AGAP1: variants seen among roughly 807,000 people sequenced by gnomAD.
AGAP1 encodes the protein ArfGAP with GTPase domain, ankyrin repeat and PH domain 1.
Under a neutral mutation model 105.3 loss-of-function variants are expected in AGAP1, and 29 were observed. That is an observed-to-expected ratio of 0.28 (90% CI 0.21 to 0.38). AGAP1 has a LOEUF of 0.38. Ranked by LOEUF, AGAP1 falls within the 10% of genes least tolerant of loss-of-function variation. AGAP1 has a pLI of 1.00. For missense variants in AGAP1, 998 were observed against 1,165.1 expected (o/e 0.86, Z 2.09); for synonymous variants, 509 against 485.9 (o/e 1.05, Z -0.63).
At chr2:235,674,177 G>A (rs946781631) in intron 1 of AGAP1, among the ~76,000 whole-genome samples, 1 of 152,170 alleles carries the variant, frequency 6.6e-6, no homozygotes, top group Non-Finnish European at 1.5e-5. Context: ...CAGAACAGTT[G>A]CCTCGGTGAG....
In AGAP1 at chr2:235,744,930, G is replaced by A; in HGVS notation, c.538+91G>A. On this transcript the variant is annotated intron_variant, in intron 5 of 17. Coordinates refer to ENST00000304032, the MANE Select transcript of AGAP1 (RefSeq NM_001037131.3). This position sits in a 1 kb window ranked among gnomAD's most constrained non-coding sequence, Gnocchi z 5.2. ...GGAGTTTAAAAAATGCTTTAAAGAA[G>A]GAAAAATTGCCTACTGAACGCTCAC... 6.8e-7 allele frequency: 1 copy of A among 1,473,778 alleles called. No individual in the cohort carries two copies. Among genetic ancestry groups the A allele is most frequent in the Non-Finnish European group, 9.1e-7 (1 of 1,094,618 alleles). 91.3% of individuals were successfully genotyped at this position (1,473,778 alleles called of 1,614,324 possible).
At chr2:235,680,319 T>A (rs1247688215) in intron 1 of AGAP1, among the ~76,000 whole-genome samples, 1 of 152,150 alleles carries the variant, frequency 6.6e-6, no homozygotes, top group Non-Finnish European at 1.5e-5. Context: ...GGGAGAAGTG[T>A]TGGGCCTGAG....
chr2:235,817,471 T>A (rs1559523496), intron 9 of AGAP1, among the ~76,000 whole-genome samples: 1 of 152,110 alleles, frequency 6.6e-6, no homozygotes, highest in Non-Finnish European at 1.5e-5. Context: ...AGTAAAAGAA[T>A]TTACTTTTAA....
At position 235,883,568 on chromosome 2, in the gene AGAP1, G is replaced by C. The variant is rs1291118880; in HGVS notation, c.1155+119G>C. 1 of 761,488 alleles carries C rather than the reference G, an allele frequency of 1.3e-6. No individual in the cohort carries two copies. The highest frequency in any genetic ancestry group is 1.7e-5 in the African/African-American group (1 of 57,252). 47.2% of individuals were successfully genotyped at this position (761,488 alleles called of 1,614,324 possible). A position where few individuals can be genotyped will look rare whatever the true frequency, so the allele number is the denominator to read the frequency against. On this transcript the variant is annotated intron_variant, in intron 10 of 17. Coordinates refer to ENST00000304032, the MANE Select transcript of AGAP1 (RefSeq NM_001037131.3). This position sits in a 1 kb window ranked among gnomAD's most constrained non-coding sequence, Gnocchi z 4.5. ...CTGTTTGAAGTGAAAGTCGTATTTG[G>C]TCTCCTGCTCAACTGTGAGATAAAT... is the stretch of plus-strand genomic sequence containing the variant.
At chr2:235,521,501 C>T (rs1172943058) in intron 1 of AGAP1, among the ~76,000 whole-genome samples, 2 of 151,710 alleles carry the variant, frequency 1.3e-5, no homozygotes, top group African/African-American at 4.9e-5. Flanking sequence ...ATACTTGTCT[C>T]TTTTAAATAT....
At chr2:235,593,583 T>C (rs1475220541) in intron 1 of AGAP1, among the ~76,000 whole-genome samples, 1 of 152,202 alleles carries the variant, frequency 6.6e-6, no homozygotes, top group African/African-American at 2.4e-5. Flanking sequence ...TCCGTGTATA[T>C]AGATATATAC....
chr2:235,998,051 G>A (rs1056964694), intron 13 of AGAP1, among the ~76,000 whole-genome samples: 4 of 152,160 alleles, frequency 2.6e-5, no homozygotes, highest in African/African-American at 9.7e-5. Context: ...AGTAAACTGA[G>A]AGACTAACAA....
chr2:235,940,998 T>C lies in AGAP1; in HGVS notation c.1483+10075T>C, dbSNP rs369536554. ...GGTGTATTTCGTTCGATTTGCAAAA[T>C]GAGCTCCAAGGATTCTGCCAGTTTT... On this transcript the variant is annotated intron_variant, in intron 12 of 17. Transcript: ENST00000304032. 5.9e-5 allele frequency among the ~76,000 whole-genome samples: 9 copies of C among 152,338 alleles called. 1 individual carries two copies. Among genetic ancestry groups the C allele is most frequent in the Admixed American group, 2.0e-4 (3 of 15,304 alleles).
chr2:235,686,588 C>CACACACACATAT (rs1553605459), intron 1 of AGAP1, among the ~76,000 whole-genome samples: 4 of 108,516 alleles, frequency 3.7e-5, no homozygotes, highest in Admixed American at 2.0e-4. Context: ...CACACACACA[C>CACACACACATAT]GTGTGTGTGT....
intron 1 of AGAP1, among the ~76,000 whole-genome samples, chr2:235,651,287 A>G (rs1251466744): frequency 1.3e-5 from 2 of 150,678 alleles, no homozygotes; most frequent in East Asian, 4.0e-4. Context: ...GACTCAATGG[A>G]TGATGATAAA....
In AGAP1 at chr2:236,053,380, C is replaced by T. The variant is rs1202851167; in HGVS notation, c.2114+4099C>T. Among the ~76,000 whole-genome samples the T allele has an allele frequency of 3.3e-5, 5 of 152,202 alleles. No homozygotes were observed. Among genetic ancestry groups the T allele is most frequent in the East Asian group, 3.9e-4 (2 of 5,186 alleles). Reference sequence around the variant, plus strand: ...CATGTGAGTGAAACCGGGGCTTTGACGTTTGCAGCACCAGCAAAGCCGTCT... The same window carrying T: ...CATGTGAGTGAAACCGGGGCTTTGATGTTTGCAGCACCAGCAAAGCCGTCT... On this transcript the variant is annotated intron_variant, in intron 16 of 17. Coordinates refer to ENST00000304032, the MANE Select transcript of AGAP1 (RefSeq NM_001037131.3). The surrounding 1 kb of genome is among the most constrained non-coding windows in gnomAD (Gnocchi z 4.6).
intron 1 of AGAP1, among the ~76,000 whole-genome samples, chr2:235,567,481 C>T (rs1944383361): frequency 6.6e-6 from 1 of 152,206 alleles, no homozygotes; most frequent in Admixed American, 6.5e-5. Context: ...CTACAGCTCC[C>T]TACCCACACC....
intron 12 of AGAP1, among the ~76,000 whole-genome samples, chr2:235,937,010 G>A (rs114696908): frequency 0.041 from 6,152 of 151,876 alleles, 155 homozygotes; most frequent in Non-Finnish European, 0.064. Context: ...TTTTGATAGC[G>A]CTTGCTTTTC....
rs894149999 is a variant in AGAP1, at chr2:235,578,814, A to G, written c.163+83965A>G. 9.5e-5 allele frequency among the ~76,000 whole-genome samples: 14 copies of G among 147,496 alleles called. No homozygotes were observed. Among genetic ancestry groups the G allele is most frequent in the Middle Eastern group, 7.0e-3 (2 of 286 alleles). On this transcript the variant is annotated intron_variant, in intron 1 of 17. Transcript: ENST00000304032. The surrounding 1 kb of genome is among the most constrained non-coding windows in gnomAD (Gnocchi z 4.9). Reference sequence around the variant, plus strand: ...AAAAAAAAAAAATTTTTTTTTTACAATAAGCTATTTAAATAAACATTTGTG... The same window carrying G: ...AAAAAAAAAAAATTTTTTTTTTACAGTAAGCTATTTAAATAAACATTTGTG...
intron 16 of AGAP1, among the ~76,000 whole-genome samples, chr2:236,117,026 C>T (rs2125962598): frequency 6.6e-6 from 1 of 152,174 alleles, no homozygotes; most frequent in East Asian, 1.9e-4. Flanking sequence ...GGGGTAGGTT[C>T]CACAATTTTG....
In AGAP1 at chr2:235,577,960, A is replaced by G. The variant is rs1198713692; in HGVS notation, c.163+83111A>G. Among the ~76,000 whole-genome samples the G allele has an allele frequency of 6.6e-6, 1 of 152,028 alleles. No homozygotes were observed. Among genetic ancestry groups the G allele is most frequent in the African/African-American group, 2.4e-5 (1 of 41,354 alleles). On this transcript the variant is annotated intron_variant, in intron 1 of 17. Transcript: ENST00000304032. The surrounding 1 kb of genome is among the most constrained non-coding windows in gnomAD (Gnocchi z 4.5). Reference sequence around the variant, plus strand: ...ATGCAGACAAGGGAGCAGTGTCTGCACAGGGGGTCTGGATCGCACCCGACA... The same window carrying G: ...ATGCAGACAAGGGAGCAGTGTCTGCGCAGGGGGTCTGGATCGCACCCGACA...
intron 1 of AGAP1, among the ~76,000 whole-genome samples, chr2:235,558,323 G>GACA (rs1944038113): frequency 6.6e-6 from 1 of 152,110 alleles, no homozygotes; most frequent in Non-Finnish European, 1.5e-5. Flanking sequence ...GTCCCTGACA[G>GACA]GCTTCTGTGC....
At chr2:235,643,431 C>CAAAAAA (rs56146940) in intron 1 of AGAP1, among the ~76,000 whole-genome samples, 55 of 61,412 alleles carry the variant, frequency 9.0e-4, no homozygotes, top group Non-Finnish European at 1.1e-3. Context: ...GACTGGGTCT[C>CAAAAAA]AAAAAAAAAA....
In AGAP1 at chr2:235,700,278, A is replaced by G. The variant is rs528863139; in HGVS notation, c.164-8901A>G. Among the ~76,000 whole-genome samples, 1 of 152,018 alleles carries G rather than the reference A, an allele frequency of 6.6e-6. No homozygotes were observed. The highest frequency in any genetic ancestry group is 1.5e-5 in the Non-Finnish European group (1 of 68,012). On this transcript the variant is annotated intron_variant, in intron 1 of 17. Transcript: ENST00000304032. The surrounding 1 kb of genome is among the most constrained non-coding windows in gnomAD (Gnocchi z 6.1). ...CAGCAGTGCAGGAGAGCTGTGCTCC[A>G]CTCCTCAAGGCTGTAGGTGGGCCTC...
Sources: gnomAD v4.1 joint callset for allele counts (sites outside exome capture counted in the v4.1 genomes callset) on GRCh38, gnomAD v4.1.1 for gene constraint, Gnocchi (gnomAD v3.1) non-coding constraint, MANE v1.5 for transcripts, NCBI Gene and HGNC (gene_info 2026-07-23, HGNC 2026-07-21) for gene names.